The following SLC5A10 variants were observed in gnomAD, a reference collection of about 807,000 sequenced individuals.
SLC5A10 encodes solute carrier family 5 member 10.
SLC5A10 carries 55 observed loss-of-function variants against 68.9 expected under a neutral mutation model. That is an observed-to-expected ratio of 0.80 (90% confidence interval 0.64 to 1.00). SLC5A10 has a LOEUF of 1.00. SLC5A10 is among the 50% of genes least tolerant of loss of function. The pLI, the probability that SLC5A10 is intolerant of heterozygous loss-of-function variation, is 0.00. For synonymous variants in SLC5A10, 344 were observed against 344.8 expected (o/e 1.00, Z 0.02); for missense variants, 732 against 819.3 (o/e 0.89, Z 1.30).
chr17:19,015,899 G>GT (rs1324401962), intron 11 of SLC5A10, among the ~76,000 whole-genome samples: 2 of 152,210 alleles, frequency 1.3e-5, no homozygotes, highest in African/African-American at 4.8e-5. Flanking sequence ...AACAGGTGGT[G>GT]TTTGGTTACA....
chr17:18,987,497 C>T (rs1203822301), intron 9 of SLC5A10, among the ~76,000 whole-genome samples: 1 of 152,168 alleles, frequency 6.6e-6, no homozygotes, highest in East Asian at 1.9e-4. Context: ...AAGGAGGGCT[C>T]CAGACACCAA....
intron 11 of SLC5A10, among the ~76,000 whole-genome samples, chr17:19,016,455 C>T (rs929654050): frequency 7.2e-5 from 11 of 152,136 alleles, no homozygotes; most frequent in African/African-American, 2.7e-4. Context: ...AGCAGTGTGG[C>T]TCACACTCTG....
chr17:18,975,585 T>A (rs751999863), intron 8 of SLC5A10: 2 of 152,086 alleles, frequency 1.3e-5, no homozygotes, highest in Non-Finnish European at 2.9e-5. Context: ...TCCCAGCTAC[T>A]TGGGAGGCTG....
upstream of SLC5A10, chr17:18,952,135 G>A (rs2042378278): frequency 6.5e-7 from 1 of 1,544,030 alleles, no homozygotes; most frequent in African/African-American, 1.4e-5. Context: ...CTCCCTGCCA[G>A]GAAACCCTTT....
chr17:18,989,879 T>A (rs2043368569), intron 9 of SLC5A10, among the ~76,000 whole-genome samples: 1 of 151,956 alleles, frequency 6.6e-6, no homozygotes, highest in Non-Finnish European at 1.5e-5. Flanking sequence ...TACCTCCGAG[T>A]CAGGTCAGGG....
At chr17:18,972,320 AG>A (rs1341267477) in intron 8 of SLC5A10, among the ~76,000 whole-genome samples, 2 of 152,210 alleles carry the variant, frequency 1.3e-5, no homozygotes, top group Non-Finnish European at 2.9e-5. Flanking sequence ...CCATAGGACA[AG>A]GCAGCCACAG....
intron 9 of SLC5A10, among the ~76,000 whole-genome samples, chr17:18,990,543 C>A (rs1259705206): frequency 6.6e-6 from 1 of 152,218 alleles, no homozygotes. Context: ...GGGGACTTGC[C>A]CTGGGCTTGG....
At chr17:18,993,207 A>G (rs143152501) in intron 9 of SLC5A10, among the ~76,000 whole-genome samples, 1 of 152,054 alleles carries the variant, frequency 6.6e-6, no homozygotes, top group East Asian at 1.9e-4. Context: ...CCTCTCCCCG[A>G]CGCGTCCTGC....
At chr17:18,978,410 G>A (rs765076587) in intron 9 of SLC5A10, 16 of 1,591,486 alleles carry the variant, frequency 1.0e-5, no homozygotes, top group Admixed American at 1.8e-5. Flanking sequence ...GCCAGGCTCC[G>A]GGTCTGGCTC....
At chr17:18,989,338 T>C (rs565361754) in intron 9 of SLC5A10, among the ~76,000 whole-genome samples, 48 of 152,238 alleles carry the variant, frequency 3.2e-4, no homozygotes, top group Middle Eastern at 3.4e-3. Flanking sequence ...ATGCGGAGAT[T>C]CAGGGTGGTG....
intron 9 of SLC5A10, chr17:18,977,610 G>A: frequency 6.2e-7 from 1 of 1,609,298 alleles, no homozygotes; most frequent in Non-Finnish European, 8.5e-7. Flanking sequence ...GTGGAGCGCT[G>A]GGCCTGCATC....
chr17:18,952,450 C>G (rs921754074), intron 1 of SLC5A10, 134 bp downstream of exon 1: 4 of 1,113,372 alleles, frequency 3.6e-6, no homozygotes, highest in Admixed American at 2.5e-5. Context: ...TGTGGTCCTC[C>G]TCCCAGCCTG....
intron 9 of SLC5A10, among the ~76,000 whole-genome samples, chr17:18,983,024 C>G (rs2043177933): frequency 1.3e-5 from 2 of 152,242 alleles, no homozygotes; most frequent in Non-Finnish European, 2.9e-5. Context: ...GGAAGTGGCG[C>G]AGTGGGCTGT....
At chr17:18,955,469 C>G (rs911941562) in intron 1 of SLC5A10, among the ~76,000 whole-genome samples, 1 of 152,206 alleles carries the variant, frequency 6.6e-6, no homozygotes, top group Non-Finnish European at 1.5e-5. Context: ...TGGGGGCCTT[C>G]GGGGAACCTT....
Position 19,022,158 on chromosome 17 carries a change from AG to A in SLC5A10, c.*1729del. On this transcript the variant is annotated 3_prime_UTR_variant, in exon 15 of 15. Coordinates refer to ENST00000395645, the MANE Select transcript of SLC5A10 (RefSeq NM_001042450.4). ...GGCCCCAGGTGACTGCAAGAAGAGG[AG>A]GTGGTTAGTAGGGTGCCTTCAGAAG... 1 of 1,428,720 alleles carries A rather than the reference AG, an allele frequency of 7.0e-7. No individual in the cohort carries two copies. The highest frequency in any genetic ancestry group is 9.3e-7 in the Non-Finnish European group (1 of 1,077,460). The allele number at this position is 1,428,720 out of a possible 1,614,324, so 88.5% of individuals were successfully genotyped here.
intron 9 of SLC5A10, among the ~76,000 whole-genome samples, chr17:18,991,598 A>T (rs1192083602): frequency 8.5e-5 from 13 of 152,194 alleles, no homozygotes; most frequent in African/African-American, 1.4e-4. Context: ...GGGTCCCATC[A>T]CTGAGCTTGT....
In SLC5A10 at chr17:18,960,982, C is replaced by T. The variant is rs181771446; in HGVS notation, c.453+330C>T. On this transcript the variant is annotated intron_variant, in intron 5 of 14. Transcript: ENST00000395645. The stretch of plus-strand genomic sequence containing the variant: ...CTGGGGCCGGCACCGGGGTGAGCCA[C>T]GATCTCCCACTAGGGGGCGCCAAAA... Among the ~76,000 whole-genome samples, 189 of 152,268 alleles carry T rather than the reference C, an allele frequency of 1.2e-3. 4 individuals are homozygous for T. The highest frequency in any genetic ancestry group is 2.2e-3 in the Admixed American group (33 of 15,298).
intron 8 of SLC5A10, among the ~76,000 whole-genome samples, chr17:18,974,489 C>T (rs2152005141): frequency 6.6e-6 from 1 of 152,356 alleles, no homozygotes; most frequent in South Asian, 2.1e-4. Flanking sequence ...CAGGGCAGTG[C>T]ACAGACCAGA....
chr17:19,001,508 T>C (rs2043728682), intron 9 of SLC5A10, among the ~76,000 whole-genome samples: 1 of 152,196 alleles, frequency 6.6e-6, no homozygotes, highest in Non-Finnish European at 1.5e-5. Context: ...CATCACTCAC[T>C]ATGGGGCCAT....
Sources: gnomAD v4.1 joint callset for allele counts (sites outside exome capture counted in the v4.1 genomes callset) on GRCh38, gnomAD v4.1.1 for gene constraint, MANE v1.5 for transcripts, NCBI Gene and HGNC (gene_info 2026-07-23, HGNC 2026-07-21) for gene names.